Variants in NAALADL2 observed in about 807,000 individuals in gnomAD.
The protein encoded by NAALADL2 is N-acetylated alpha-linked acidic dipeptidase like 2.
NAALADL2 carries 76 observed loss-of-function variants against 87.2 expected under a neutral mutation model. That is an observed-to-expected ratio of 0.87 (90% CI 0.72 to 1.05). The LOEUF (loss-of-function observed/expected upper bound fraction) is 1.05, where lower values mean the gene tolerates loss of function less well. Among genes scored for constraint, NAALADL2 ranks in the 50% least tolerant of loss-of-function variants. NAALADL2 has a pLI of 0.00. For synonymous variants in NAALADL2, 354 were observed against 331.0 expected (o/e 1.07, Z -0.75); for missense variants, 1,089 against 945.8 (o/e 1.15, Z -1.99).
At chr3:174,742,930 C>T (rs1396493440) in intron 3 of NAALADL2, among the ~76,000 whole-genome samples, 2 of 151,492 alleles carry the variant, frequency 1.3e-5, no homozygotes, top group South Asian at 4.1e-4. Context: ...GATATTTTCA[C>T]TCTTTGTGTT....
intron 2 of NAALADL2, among the ~76,000 whole-genome samples, chr3:175,105,537 T>G (rs1722957552): frequency 7.0e-6 from 1 of 143,038 alleles, no homozygotes; most frequent in African/African-American, 2.7e-5. Context: ...TACATTCATA[T>G]ATTTATATAT....
intron 3 of NAALADL2, among the ~76,000 whole-genome samples, chr3:175,246,567 C>G (rs934820941): frequency 1.1e-4 from 16 of 152,132 alleles, no homozygotes; most frequent in Non-Finnish European, 2.2e-4. Context: ...CTGGAATGTT[C>G]CCCTGTGTGG....
chr3:175,569,023 T>A (rs948999900), intron 9 of NAALADL2, among the ~76,000 whole-genome samples: 5 of 152,228 alleles, frequency 3.3e-5, no homozygotes, highest in Non-Finnish European at 7.3e-5. Flanking sequence ...TTGAATGGAA[T>A]GTTGAATTTC....
chr3:175,728,208 A>C (rs1743194599), intron 11 of NAALADL2, among the ~76,000 whole-genome samples: 1 of 152,194 alleles, frequency 6.6e-6, no homozygotes, highest in Admixed American at 6.5e-5. Flanking sequence ...AACATATCCC[A>C]AACAAGTAAC....
chr3:175,682,920 C>A (rs961439948), intron 11 of NAALADL2, among the ~76,000 whole-genome samples: 2 of 151,550 alleles, frequency 1.3e-5, no homozygotes, highest in Non-Finnish European at 3.0e-5. Flanking sequence ...AATGTCATAC[C>A]CTTGGGGAAA....
chr3:174,575,668 G>A (rs1286081643), intron 2 of NAALADL2, among the ~76,000 whole-genome samples: 2 of 152,138 alleles, frequency 1.3e-5, no homozygotes, highest in Non-Finnish European at 2.9e-5. Context: ...GACAGTCACC[G>A]AAGTTACATA....
rs997659793 is a variant in NAALADL2, at chr3:174,648,840, G to A, written c.-114-88801G>A. ...ATTTAATTTTTGCATGCCTGTATCTGTAGACATAACACATATGTGTCAATA... is the reference window on the plus strand; with the variant it reads ...ATTTAATTTTTGCATGCCTGTATCTATAGACATAACACATATGTGTCAATA... On this transcript the variant is annotated intron_variant, in intron 2 of 3. Coordinates refer to the NAALADL2 transcript ENST00000434257. Among the ~76,000 whole-genome samples, 3 of 152,162 alleles carry A rather than the reference G, an allele frequency of 2.0e-5. 1 individual carries two copies. The highest frequency in any genetic ancestry group is 7.2e-5 in the African/African-American group (3 of 41,444).
At chr3:175,320,671 T>C (rs921220590) in intron 4 of NAALADL2, among the ~76,000 whole-genome samples, 1 of 152,146 alleles carries the variant, frequency 6.6e-6, no homozygotes, top group African/African-American at 2.4e-5. Context: ...AAAGACATAA[T>C]GGTCACAACA....
intron 2 of NAALADL2, among the ~76,000 whole-genome samples, chr3:174,578,775 A>T (rs1715831057): frequency 1.3e-5 from 2 of 151,894 alleles, no homozygotes; most frequent in South Asian, 4.1e-4. Flanking sequence ...TTCTATTCAT[A>T]ATTTGGGTAT....
chr3:175,443,741 G>A (rs1472676397), intron 5 of NAALADL2, among the ~76,000 whole-genome samples: 1 of 152,118 alleles, frequency 6.6e-6, no homozygotes, highest in Non-Finnish European at 1.5e-5. Context: ...CAGGCATTGT[G>A]TATCATACAA....
At chr3:174,885,942 C>G (rs2109754388) in intron 1 of NAALADL2, among the ~76,000 whole-genome samples, 1 of 114,492 alleles carries the variant, frequency 8.7e-6, no homozygotes, top group East Asian at 2.6e-4. Context: ...TAGATGGAGT[C>G]TCCCACTGTT....
intron 1 of NAALADL2, among the ~76,000 whole-genome samples, chr3:174,910,223 T>TA (rs1357668050): frequency 2.0e-5 from 3 of 150,828 alleles, no homozygotes; most frequent in African/African-American, 7.3e-5. Flanking sequence ...GTGTGAAGAG[T>TA]AAAGTAAACA....
At chr3:174,616,950 T>C (rs1222318728) in intron 2 of NAALADL2, among the ~76,000 whole-genome samples, 1 of 151,874 alleles carries the variant, frequency 6.6e-6, no homozygotes, top group African/African-American at 2.4e-5. Context: ...TAATAGTCAT[T>C]AAATTTTAAT....
At chr3:174,968,101 T>C (rs889923641) in intron 1 of NAALADL2, among the ~76,000 whole-genome samples, 2 of 152,206 alleles carry the variant, frequency 1.3e-5, no homozygotes, top group African/African-American at 4.8e-5. Flanking sequence ...TATTTAATTA[T>C]TCAATTTGGT....
At chr3:175,217,655 A>G (rs1283564550) in intron 2 of NAALADL2, among the ~76,000 whole-genome samples, 1 of 152,246 alleles carries the variant, frequency 6.6e-6, no homozygotes, top group Non-Finnish European at 1.5e-5. Flanking sequence ...CTGTGAAAAA[A>G]GCAATGGCTG....
intron 3 of NAALADL2, among the ~76,000 whole-genome samples, chr3:174,793,762 A>G (rs1209328268): frequency 1.3e-5 from 2 of 151,078 alleles, no homozygotes; most frequent in African/African-American, 4.9e-5. Flanking sequence ...TCAACCAGGT[A>G]CTGTTTACAG....
chr3:175,437,972 G>A (rs1328270107), intron 5 of NAALADL2, among the ~76,000 whole-genome samples: 1 of 151,970 alleles, frequency 6.6e-6, no homozygotes, highest in East Asian at 1.9e-4. Context: ...TTTTTGCTTA[G>A]GGGTGGACCA....
chr3:174,829,491 A>C (rs1371506388), intron 3 of NAALADL2, among the ~76,000 whole-genome samples: 2 of 135,986 alleles, frequency 1.5e-5, no homozygotes, highest in African/African-American at 5.7e-5. Flanking sequence ...TATATGTGCC[A>C]CATTTTCTTA....
rs1182682303 is a variant in NAALADL2, at chr3:175,667,241, A to AAGAAAG, written c.1896+39856_1896+39857insGAAAGA. ...AAAGAAAGAAAGAAAGAAAGAAAGA[A>AAGAAAG]AAAGAAAGAAAGAAAGAAAGAAAGG... On this transcript the variant is annotated intron_variant, in intron 11 of 13. Coordinates refer to ENST00000454872, the MANE Select transcript of NAALADL2 (RefSeq NM_207015.3). 1.2e-3 allele frequency among the ~76,000 whole-genome samples: 113 copies of AAGAAAG among 91,734 alleles called. 1 individual carries two copies. Among genetic ancestry groups the AAGAAAG allele is most frequent in the African/African-American group, 4.7e-3 (92 of 19,672 alleles). 60.2% of individuals were successfully genotyped at this position (91,734 alleles called of 152,430 possible).
Sources: gnomAD v4.1 joint callset for allele counts (sites outside exome capture counted in the v4.1 genomes callset) on GRCh38, gnomAD v4.1.1 for gene constraint, MANE v1.5 for transcripts, NCBI Gene and HGNC (gene_info 2026-07-23, HGNC 2026-07-21) for gene names.